Variants in KALRN observed in about 807,000 individuals in gnomAD.
The protein encoded by KALRN is kalirin.
A neutral mutation model predicts 353.7 loss-of-function variants in KALRN; 70 were observed. The observed-to-expected ratio is 0.20, with a 90% CI of 0.16 to 0.24. The LOEUF is 0.24. KALRN is among the 10% of genes least tolerant of loss of function. KALRN has a pLI of 1.00. For synonymous variants in KALRN, 1,391 were observed against 1,434.8 expected (o/e 0.97, Z 0.69); for missense variants, 2,791 against 3,756.7 (o/e 0.74, Z 6.72).
chr3:124,560,082 A>G (rs1466735717), intron 33 of KALRN, among the ~76,000 whole-genome samples: 2 of 152,126 alleles, frequency 1.3e-5, no homozygotes, highest in Non-Finnish European at 2.9e-5. Context: ...AATTGTAGAG[A>G]GACAGAAGCC....
chr3:124,486,361 A>G (rs1454194480), intron 28 of KALRN, among the ~76,000 whole-genome samples: 2 of 152,140 alleles, frequency 1.3e-5, no homozygotes, highest in Non-Finnish European at 2.9e-5. Flanking sequence ...TGAAAATAAG[A>G]TTGGGAAGGT....
chr3:124,590,826 C>T (rs1267100719), intron 34 of KALRN, among the ~76,000 whole-genome samples: 1 of 152,092 alleles, frequency 6.6e-6, no homozygotes, highest in South Asian at 2.1e-4. Context: ...AAGCTACAGC[C>T]AGAAGGAACA....
chr3:124,706,910 A>G (rs1406418574), intron 57 of KALRN, among the ~76,000 whole-genome samples: 1 of 151,820 alleles, frequency 6.6e-6, no homozygotes, highest in Non-Finnish European at 1.5e-5. Flanking sequence ...AAATGAGCCA[A>G]CTCCCAATGC....
chr3:124,374,876 C>G (rs1311293975), intron 10 of KALRN, among the ~76,000 whole-genome samples: 1 of 152,168 alleles, frequency 6.6e-6, no homozygotes, highest in Non-Finnish European at 1.5e-5. Context: ...CAGCAGGCAG[C>G]CTTATTCTGT....
chr3:124,200,725 G>A (rs568893634), intron 1 of KALRN, among the ~76,000 whole-genome samples: 2 of 152,268 alleles, frequency 1.3e-5, no homozygotes, highest in Non-Finnish European at 2.9e-5. Context: ...AGCCTGAGAG[G>A]CTTTTCTAAG....
At chr3:124,653,649 A>C (rs1391447801) in intron 38 of KALRN, among the ~76,000 whole-genome samples, 1 of 152,226 alleles carries the variant, frequency 6.6e-6, no homozygotes, top group Non-Finnish European at 1.5e-5. Flanking sequence ...AAGAGAGAGA[A>C]CAGCCAGTGC....
intron 32 of KALRN, among the ~76,000 whole-genome samples, chr3:124,495,965 GTATATA>G (rs768441029): frequency 0.016 from 662 of 41,408 alleles, 27 homozygotes; most frequent in Middle Eastern, 0.05. Flanking sequence ...GTGTATGTAT[GTATATA>G]TATATATATA....
intron 10 of KALRN, among the ~76,000 whole-genome samples, chr3:124,375,686 CA>C (rs538583894): frequency 1.3e-3 from 200 of 152,272 alleles, no homozygotes; most frequent in Non-Finnish European, 2.3e-3. Context: ...AATCCACAAA[CA>C]AGGTATTTTA....
At chr3:124,139,202 C>A (rs1026785245) in intron 1 of KALRN, among the ~76,000 whole-genome samples, 1 of 152,048 alleles carries the variant, frequency 6.6e-6, no homozygotes, top group Admixed American at 6.5e-5. Flanking sequence ...ATGCAAAAGA[C>A]CAGAGTAATG....
chr3:124,275,825 C>T (rs2074655374), intron 5 of KALRN, among the ~76,000 whole-genome samples: 1 of 141,630 alleles, frequency 7.1e-6, no homozygotes, highest in Non-Finnish European at 1.6e-5. Flanking sequence ...CTTGGGGGTC[C>T]TGCAGGTCAC....
At chr3:124,251,883 C>T (rs761556703) in intron 3 of KALRN, among the ~76,000 whole-genome samples, 23 of 152,148 alleles carry the variant, frequency 1.5e-4, no homozygotes, top group Non-Finnish European at 3.1e-4. Context: ...AAAGAGAAAC[C>T]ACCACATCCC....
intron 9 of KALRN, among the ~76,000 whole-genome samples, chr3:124,346,689 G>A (rs1329470768): frequency 6.6e-6 from 1 of 152,158 alleles, no homozygotes; most frequent in Non-Finnish European, 1.5e-5. Context: ...CAATGAGGCA[G>A]GATCCCCATG....
chr3:124,546,575 G>T (rs2069692863), intron 33 of KALRN, among the ~76,000 whole-genome samples: 1 of 152,162 alleles, frequency 6.6e-6, no homozygotes, highest in Non-Finnish European at 1.5e-5. Flanking sequence ...GCTGGGTTGG[G>T]GGTTAGGGAA....
intron 33 of KALRN, chr3:124,518,301 C>A: frequency 9.9e-7 from 1 of 1,014,710 alleles, no homozygotes; most frequent in Non-Finnish European, 1.6e-6. Flanking sequence ...GTAGGTTGCA[C>A]TGATGATTTA....
chr3:124,367,551 G>A (rs1576337582), intron 10 of KALRN, among the ~76,000 whole-genome samples: 1 of 77,174 alleles, frequency 1.3e-5, no homozygotes, highest in African/African-American at 5.6e-5. Flanking sequence ...GCGGCTGGCC[G>A]GGCAGAGGGG....
chr3:124,259,382 G>C (rs920897), intron 3 of KALRN, among the ~76,000 whole-genome samples: 48,888 of 152,116 alleles, frequency 0.32, 8,126 homozygotes, highest in Admixed American at 0.37. Context: ...CTGGAGAAAA[G>C]GCATAGTGGT....
chr3:124,559,397 C>T (rs2071663884), intron 33 of KALRN, among the ~76,000 whole-genome samples: 1 of 152,164 alleles, frequency 6.6e-6, no homozygotes, highest in African/African-American at 2.4e-5. Context: ...CAATTAGCAT[C>T]AAGAAGGCTT....
chr3:124,492,585 G>A (rs182994631), intron 31 of KALRN, among the ~76,000 whole-genome samples, 155 bp from the exon 32 acceptor site: 1 of 152,274 alleles, frequency 6.6e-6, no homozygotes, highest in Non-Finnish European at 1.5e-5. Flanking sequence ...CCTGTTTCTG[G>A]TATTGAAGAG....
intron 55 of KALRN, 82 bp from the exon 56 acceptor site, chr3:124,699,787 T>G: frequency 7.4e-7 from 1 of 1,343,246 alleles, no homozygotes. Context: ...GTGTCTATTT[T>G]CCTGTCTTTG....
Sources: gnomAD v4.1 joint callset for allele counts (sites outside exome capture counted in the v4.1 genomes callset) on GRCh38, gnomAD v4.1.1 for gene constraint, MANE v1.5 for transcripts, NCBI Gene and HGNC (gene_info 2026-07-23, HGNC 2026-07-21) for gene names.